The following TMEFF1 variants were observed in gnomAD, a reference collection of about 807,000 sequenced individuals.
TMEFF1 encodes transmembrane protein with EGF like and two follistatin like domains 1.
Under a neutral mutation model 47.5 loss-of-function variants are expected in TMEFF1, and 20 were observed. The observed-to-expected ratio is 0.42, with a 90% CI of 0.30 to 0.61. The LOEUF is 0.61. Among genes scored for constraint, TMEFF1 ranks in the 20% least tolerant of loss-of-function variants. TMEFF1 has a pLI of 0.19. For missense variants in TMEFF1, 411 were observed against 471.1 expected (o/e 0.87, Z 1.18); for synonymous variants, 162 against 166.3 (o/e 0.97, Z 0.20).
intron 5 of TMEFF1, among the ~76,000 whole-genome samples, chr9:100,546,071 G>A (rs1056884341): frequency 1.3e-5 from 2 of 152,176 alleles, no homozygotes; most frequent in Non-Finnish European, 2.9e-5. Context: ...TCCAACTCGT[G>A]CCTATTACCC....
At chr9:100,562,694 C>T (rs1444639480) in intron 8 of TMEFF1, among the ~76,000 whole-genome samples, 1 of 151,278 alleles carries the variant, frequency 6.6e-6, no homozygotes, top group African/African-American at 2.4e-5. Flanking sequence ...CTTGCTCTGT[C>T]GCCCAGACTG....
chr9:100,530,402 A>G (rs1478076480), intron 5 of TMEFF1, among the ~76,000 whole-genome samples: 1 of 152,120 alleles, frequency 6.6e-6, no homozygotes, highest in Non-Finnish European at 1.5e-5. Flanking sequence ...GATAAAGGGG[A>G]TATCACCACC....
At chr9:100,481,825 G>A (rs10819786) in intron 1 of TMEFF1, among the ~76,000 whole-genome samples, 36,008 of 151,782 alleles carry the variant, frequency 0.24, 4,787 homozygotes, top group African/African-American at 0.34. Context: ...CTCTGTCACC[G>A]GGCTGGAGTG....
intron 1 of TMEFF1, among the ~76,000 whole-genome samples, chr9:100,487,769 C>CTT (rs36068037): frequency 1.4e-5 from 2 of 145,230 alleles, no homozygotes; most frequent in African/African-American, 2.5e-5. Context: ...TATTATACTC[C>CTT]TTTTTTTTTT....
intron 6 of TMEFF1, among the ~76,000 whole-genome samples, chr9:100,549,663 A>G (rs774156481): frequency 3.9e-5 from 6 of 152,166 alleles, no homozygotes; most frequent in Non-Finnish European, 7.3e-5. Context: ...ATCAGGGGTC[A>G]TTTTTTATAG....
At chr9:100,538,911 T>C (rs933126280) in intron 5 of TMEFF1, among the ~76,000 whole-genome samples, 1 of 152,104 alleles carries the variant, frequency 6.6e-6, no homozygotes, top group African/African-American at 2.4e-5. Flanking sequence ...TAGGAGATAT[T>C]CTTTTTTTTT....
chr9:100,505,410 CAAAAAAA>C (rs60312984), intron 2 of TMEFF1, among the ~76,000 whole-genome samples: 1 of 26,444 alleles, frequency 3.8e-5, no homozygotes, highest in Non-Finnish European at 6.1e-5. Context: ...GACCCTGTCT[CAAAAAAA>C]AAAAAAAAAA....
At chr9:100,575,109 A>G (rs1211675552) in intron 9 of TMEFF1, among the ~76,000 whole-genome samples, 1 of 152,086 alleles carries the variant, frequency 6.6e-6, no homozygotes, top group African/African-American at 2.4e-5. Context: ...TTGGATTTAG[A>G]ACATTTATGT....
intron 2 of TMEFF1, among the ~76,000 whole-genome samples, chr9:100,499,082 G>A (rs933091006): frequency 3.3e-5 from 5 of 152,054 alleles, no homozygotes; most frequent in African/African-American, 1.2e-4. Context: ...GACAATAATA[G>A]ATGTGACAAT....
chr9:100,480,604 A>G (rs1837322155), intron 1 of TMEFF1, among the ~76,000 whole-genome samples: 2 of 152,200 alleles, frequency 1.3e-5, no homozygotes, highest in Admixed American at 1.3e-4. Context: ...CCCCTGTTCT[A>G]CTTAAAGGAA....
intron 1 of TMEFF1, among the ~76,000 whole-genome samples, chr9:100,488,970 G>A (rs1587816670): frequency 2.0e-5 from 3 of 151,678 alleles, no homozygotes. Context: ...AGTGGTTTTC[G>A]TACATTTACT....
At chr9:100,474,119 A>G (rs1587807108) in intron 1 of TMEFF1, among the ~76,000 whole-genome samples, 1 of 102,052 alleles carries the variant, frequency 9.8e-6, no homozygotes. Flanking sequence ...GGGCGGCCCC[A>G]GGCAGGGATC....
intron 9 of TMEFF1, among the ~76,000 whole-genome samples, chr9:100,574,831 C>T (rs1421506172): frequency 3.9e-5 from 6 of 152,170 alleles, no homozygotes; most frequent in African/African-American, 1.4e-4. Flanking sequence ...TTTTACCCAA[C>T]TCTTTCAGTG....
At chr9:100,532,791 A>G (rs1838414908) in intron 5 of TMEFF1, among the ~76,000 whole-genome samples, 1 of 152,100 alleles carries the variant, frequency 6.6e-6, no homozygotes, top group Non-Finnish European at 1.5e-5. Flanking sequence ...ATGCACACGT[A>G]TGTTTATTGC....
chr9:100,487,578 A>G (rs558531887), intron 1 of TMEFF1, among the ~76,000 whole-genome samples: 45 of 152,080 alleles, frequency 3.0e-4, no homozygotes, highest in African/African-American at 1.1e-3. Context: ...ATTTATTTAG[A>G]CCTAGTTTTA....
chr9:100,519,964 C>T (rs1838135881), intron 5 of TMEFF1, among the ~76,000 whole-genome samples: 1 of 152,012 alleles, frequency 6.6e-6, no homozygotes, highest in Non-Finnish European at 1.5e-5. Flanking sequence ...ATAGTACTTA[C>T]CTTTATTAAA....
At chr9:100,498,945 A>G (rs2274881) in intron 2 of TMEFF1, 71 bp downstream of exon 2, 56,907 of 1,518,068 alleles carry the variant, frequency 0.037, 3,166 homozygotes, top group South Asian at 0.2. Context: ...TCTTCAAATT[A>G]AAAAACCTAA....
At chr9:100,545,332 C>T (rs1471155983) in intron 5 of TMEFF1, among the ~76,000 whole-genome samples, 1 of 152,228 alleles carries the variant, frequency 6.6e-6, no homozygotes, top group Admixed American at 6.5e-5. Flanking sequence ...CTTGACTTCT[C>T]TGTACCTGCA....
In TMEFF1 at chr9:100,519,647, CTTTTTTTTTTTTT is replaced by C. The variant is rs60569330; in HGVS notation, c.560+2893_560+2905del. Among the ~76,000 whole-genome samples, 10 of 65,168 alleles carry C rather than the reference CTTTTTTTTTTTTT, an allele frequency of 1.5e-4. 1 individual carries two copies. Among genetic ancestry groups the C allele is most frequent in the South Asian group, 1.4e-3 (2 of 1,450 alleles). 42.8% of individuals were successfully genotyped at this position (65,168 alleles called of 152,430 possible). A position where few individuals can be genotyped will look rare whatever the true frequency, so the allele number is the denominator to read the frequency against. On this transcript the variant is annotated intron_variant, in intron 5 of 9. Coordinates refer to ENST00000374879, the MANE Select transcript of TMEFF1 (RefSeq NM_003692.5). ...TACTTTGAGGACTGCTGCCCAGTGA[CTTTTTTTTTTTTT>C]TTTTTTTTTTTTTTTTAACAAAAAC...
Sources: allele counts gnomAD v4.1 joint callset (sites outside exome capture counted in the v4.1 genomes callset), GRCh38; gene constraint gnomAD v4.1.1; transcripts MANE v1.5; gene names NCBI Gene and HGNC (gene_info 2026-07-23, HGNC 2026-07-21).